MTUS1: variants seen among roughly 807,000 people sequenced by gnomAD.
The protein encoded by MTUS1 is microtubule-associated tumor suppressor 1.
MTUS1 carries 109 observed loss-of-function variants against 120.8 expected under a neutral mutation model. The observed-to-expected ratio is 0.90, with a 90% CI of 0.77 to 1.06. The LOEUF (loss-of-function observed/expected upper bound fraction) is 1.06, where lower values mean the gene tolerates loss of function less well. MTUS1 is among the 50% of genes least tolerant of loss of function. The pLI is 0.00. For missense variants in MTUS1, 2,210 were observed against 1,486.3 expected (o/e 1.49, Z -8.01); for synonymous variants, 737 against 550.5 (o/e 1.34, Z -4.74).
At chr8:17,674,307 C>G (rs554014726) in intron 8 of MTUS1, 1 of 205,204 alleles carries the variant, frequency 4.9e-6, no homozygotes, top group East Asian at 1.9e-4. Flanking sequence ...GTTGTCCCAG[C>G]TACTCGGAAG....
At chr8:17,703,314 G>A (rs429468) in intron 6 of MTUS1, among the ~76,000 whole-genome samples, 5,766 of 152,144 alleles carry the variant, frequency 0.038, 342 homozygotes, top group African/African-American at 0.13. Flanking sequence ...ATAAACGGCC[G>A]CTCTGGGAGT....
At chr8:17,721,680 C>T (rs777229624) in intron 4 of MTUS1, 2 of 1,536,122 alleles carry the variant, frequency 1.3e-6, no homozygotes, top group Non-Finnish European at 1.8e-6. Flanking sequence ...AGCATGCTTA[C>T]AAAGAAAAGA....
Position 17,680,099 on chromosome 8 carries a change from G to C in MTUS1, c.2838+4229C>G, listed in dbSNP as rs1814039154. The stretch of plus-strand genomic sequence containing the variant: ...CTCTAATATAACACAGACAATGAAA[G>C]AGAAGCATATATGCTCCTGGAATCC... On this transcript the variant is annotated intron_variant, in intron 7 of 14. Coordinates refer to ENST00000693296, the MANE Select transcript of MTUS1 (RefSeq NM_001363059.2). Among the ~76,000 whole-genome samples the C allele has an allele frequency of 2.0e-5, 3 of 152,050 alleles. No homozygotes were observed. The South Asian group carries it at 6.2e-4, about 32-fold the overall frequency.
intron 1 of MTUS1, among the ~76,000 whole-genome samples, chr8:17,796,989 G>A (rs1173357871): frequency 6.6e-6 from 1 of 152,102 alleles, no homozygotes; most frequent in Non-Finnish European, 1.5e-5. Context: ...GCGCACACCT[G>A]TAATCCCAGC....
At chr8:17,764,123 T>C (rs1232535569) in intron 1 of MTUS1, among the ~76,000 whole-genome samples, 1 of 152,196 alleles carries the variant, frequency 6.6e-6, no homozygotes, top group Non-Finnish European at 1.5e-5. Flanking sequence ...TCTTAAATAC[T>C]GTAACTACTT....
intron 12 of MTUS1, among the ~76,000 whole-genome samples, chr8:17,650,913 G>A (rs919849150): frequency 6.6e-6 from 1 of 152,224 alleles, no homozygotes; most frequent in Non-Finnish European, 1.5e-5. Context: ...TTAGGTAAGA[G>A]TCGGTGGTGT....
At position 17,655,892 on chromosome 8, in the gene MTUS1, C is replaced by G. The variant is rs530192944; in HGVS notation, c.3079G>C (p.Glu1027Gln). The change falls in exon 9 of 15, where the codon GAG becomes CAG. Residue 1027 changes from glutamate to glutamine, a missense_variant. By Grantham distance (29) the Glu-to-Gln change is conservative. Transcript: ENST00000693296. ...KLRDTYIEEA[E>Q]KYKMQLQEQF... is the part of the protein sequence containing the mutation. Reference sequence around the variant, plus strand: ...TCTTGCAATTGCATTTTGTACTTCTCTGCTTCTTCAATGTAAGTGTCCCGA... The same window carrying G: ...TCTTGCAATTGCATTTTGTACTTCTGTGCTTCTTCAATGTAAGTGTCCCGA... The G allele has an allele frequency of 1.2e-6, 2 of 1,614,240 alleles. No homozygotes were observed. The highest frequency in any genetic ancestry group is 2.7e-5 in the African/African-American group (2 of 75,062).
In MTUS1 at chr8:17,723,839, G is replaced by T; in HGVS notation, c.2288-6C>A. 6.5e-7 allele frequency: 1 copy of T among 1,540,696 alleles called. No individual in the cohort carries two copies. The highest frequency in any genetic ancestry group is 8.7e-7 in the Non-Finnish European group (1 of 1,145,188). On this transcript the variant is annotated splice_region_variant and splice_polypyrimidine_tract_variant and intron_variant, in intron 3 of 14. Coordinates refer to ENST00000693296, the MANE Select transcript of MTUS1 (RefSeq NM_001363059.2). The stretch of plus-strand genomic sequence containing the variant: ...TTTCAAGGATGTAGGCTTTCCTTGG[G>T]GTTTAAAAAAAACAAAAAGTTTCCA...
intron 8 of MTUS1, among the ~76,000 whole-genome samples, chr8:17,674,131 G>A (rs996460764): frequency 6.6e-6 from 1 of 152,096 alleles, no homozygotes; most frequent in East Asian, 1.9e-4. Flanking sequence ...TCCAAGATAC[G>A]AGTTGACGTA....
rs1585673147 is a variant in MTUS1, at chr8:17,684,354, C to A, written c.2812G>T (p.Val938Phe). Residue 938 changes from valine (V) to phenylalanine (F), a missense_variant, in exon 7 of 15, where the codon GTT becomes TTT. By Grantham distance (50) the Val-to-Phe change is conservative (BLOSUM62 -1). Coordinates refer to ENST00000693296, the MANE Select transcript of MTUS1 (RefSeq NM_001363059.2). ...TCAGACAGCAGGTGCTGAATCACAACTGTCAATGCCTCAAACTTGGTATTA... is the reference window on the plus strand; with the variant it reads ...TCAGACAGCAGGTGCTGAATCACAAATGTCAATGCCTCAAACTTGGTATTA... ...CGNTKFEALT[V>F]VIQHLLSERE... 6.2e-7 allele frequency: 1 copy of A among 1,614,156 alleles called. No individual in the cohort carries two copies. Among genetic ancestry groups the A allele is most frequent in the Non-Finnish European group, 8.5e-7 (1 of 1,179,984 alleles).
chr8:17,775,068 G>C (rs1192622149), intron 1 of MTUS1, among the ~76,000 whole-genome samples: 2 of 149,974 alleles, frequency 1.3e-5, no homozygotes, highest in African/African-American at 4.9e-5. Context: ...GAGACAGAAA[G>C]TCAATTCGAG....
chr8:17,679,692 A>G (rs1327892420), intron 7 of MTUS1, among the ~76,000 whole-genome samples: 1 of 151,876 alleles, frequency 6.6e-6, no homozygotes. Context: ...TGGTAGAGAC[A>G]GGGTTTCGCC....
chr8:17,750,075 T>C (rs962588131), intron 2 of MTUS1, among the ~76,000 whole-genome samples: 3 of 152,210 alleles, frequency 2.0e-5, no homozygotes, highest in African/African-American at 7.2e-5. Flanking sequence ...AAGCAGCATG[T>C]TCCCTGTCAT....
chr8:17,666,757 CACA>C (rs1810999497), intron 8 of MTUS1, among the ~76,000 whole-genome samples: 1 of 152,200 alleles, frequency 6.6e-6, no homozygotes. Flanking sequence ...TCCCCATCAA[CACA>C]ACATCTTTTT....
intron 3 of MTUS1, among the ~76,000 whole-genome samples, chr8:17,725,400 C>T (rs2046158806): frequency 1.3e-5 from 2 of 152,200 alleles, no homozygotes; most frequent in Non-Finnish European, 2.9e-5. Context: ...TCCAGCCTCA[C>T]TCTTGTATGG....
intron 4 of MTUS1, among the ~76,000 whole-genome samples, chr8:17,718,666 T>C (rs1248853421): frequency 2.0e-5 from 3 of 152,026 alleles, no homozygotes; most frequent in Non-Finnish European, 4.4e-5. Context: ...CAACCTGATC[T>C]AATATGTAGT....
intron 3 of MTUS1, among the ~76,000 whole-genome samples, chr8:17,743,201 T>C (rs1251697643): frequency 1.3e-5 from 2 of 152,160 alleles, no homozygotes; most frequent in Admixed American, 1.3e-4. Context: ...ATCATACATC[T>C]TTCAGTAAAA....
At chr8:17,697,636 G>T in intron 6 of MTUS1, 5 of 1,216,552 alleles carry the variant, frequency 4.1e-6, no homozygotes, top group Non-Finnish European at 5.2e-6. Flanking sequence ...CCCTCCTGCA[G>T]GTCTAGAAGC....
chr8:17,654,026 G>C (rs941387244), intron 10 of MTUS1: 1 of 158,100 alleles, frequency 6.3e-6, no homozygotes, highest in Admixed American at 6.3e-5. Flanking sequence ...TCACACAGCC[G>C]GTTCTTAGCA....
Sources: gnomAD v4.1 joint callset for allele counts (sites outside exome capture counted in the v4.1 genomes callset) on GRCh38, gnomAD v4.1.1 for gene constraint, MANE v1.5 for transcripts, NCBI Gene and HGNC (gene_info 2026-07-23, HGNC 2026-07-21) for gene names.